Variants in PLCL1 observed in about 807,000 individuals in gnomAD.
The protein encoded by PLCL1 is phospholipase C like 1 (inactive).
In PLCL1, 41 loss-of-function variants were observed where a neutral mutation model predicts 84.4. The observed-to-expected ratio is 0.49, with a 90% CI of 0.38 to 0.63. The LOEUF (loss-of-function observed/expected upper bound fraction) is 0.63. Ranked by LOEUF, PLCL1 falls within the 30% of genes least tolerant of loss-of-function variation. PLCL1 has a pLI of 0.00. For synonymous variants in PLCL1, 490 were observed against 488.3 expected (o/e 1.00, Z -0.05); for missense variants, 1,206 against 1,367.8 (o/e 0.88, Z 1.87).
chr2:198,137,630 C>T (rs1014932732), intron 5 of PLCL1, among the ~76,000 whole-genome samples: 2 of 152,156 alleles, frequency 1.3e-5, no homozygotes, highest in African/African-American at 4.8e-5. Flanking sequence ...TACTGTGTTT[C>T]ACTGATCATA....
At chr2:197,932,641 A>G (rs191340084) in intron 1 of PLCL1, among the ~76,000 whole-genome samples, 20 of 152,252 alleles carry the variant, frequency 1.3e-4, no homozygotes, top group African/African-American at 4.8e-4. Context: ...GTTCCTGCTA[A>G]CTCACTATTT....
intron 1 of PLCL1, among the ~76,000 whole-genome samples, chr2:197,933,236 G>C (rs6434945): frequency 0.51 from 76,153 of 148,236 alleles, 20,011 homozygotes; most frequent in African/African-American, 0.63. Context: ...CCCATCTGAT[G>C]TTTGTGTTGT....
intron 1 of PLCL1, among the ~76,000 whole-genome samples, chr2:198,056,075 A>G (rs1692062942): frequency 6.6e-6 from 1 of 152,228 alleles, no homozygotes; most frequent in Non-Finnish European, 1.5e-5. Context: ...AGGGAGTTAC[A>G]CTAAGATGCC....
At position 197,940,531 on chromosome 2, in the gene PLCL1, G is replaced by T. The variant is rs551918927; in HGVS notation, c.240+135192G>T. Among the ~76,000 whole-genome samples, 3 of 152,250 alleles carry T rather than the reference G, an allele frequency of 2.0e-5. No homozygotes were observed. In the East Asian group the frequency reaches 5.8e-4, roughly 29 times the overall value. On this transcript the variant is annotated intron_variant, in intron 1 of 5. Transcript: ENST00000428675. ...GTTTTGAAGTAAAGCCACTTATCTG[G>T]CATTTTTCATTAAGGCTTGACAACA...
intron 1 of PLCL1, among the ~76,000 whole-genome samples, chr2:197,966,914 A>C (rs1189929778): frequency 6.9e-6 from 1 of 144,112 alleles, no homozygotes; most frequent in Non-Finnish European, 1.5e-5. Context: ...GCAGTGGCAC[A>C]ATCTTGGCTC....
At chr2:198,081,423 A>G (rs1189763654) in intron 1 of PLCL1, among the ~76,000 whole-genome samples, 2 of 152,214 alleles carry the variant, frequency 1.3e-5, no homozygotes, top group Non-Finnish European at 2.9e-5. Flanking sequence ...GATGGTGTGG[A>G]AAAATACACA....
intron 1 of PLCL1, among the ~76,000 whole-genome samples, chr2:198,074,563 T>TG (rs1692534441): frequency 6.6e-6 from 1 of 152,094 alleles, no homozygotes; most frequent in Non-Finnish European, 1.5e-5. Flanking sequence ...GGTGTGAACC[T>TG]GGGAGGCGGA....
intron 5 of PLCL1, among the ~76,000 whole-genome samples, chr2:198,107,268 T>C (rs13392163): frequency 0.053 from 8,089 of 151,944 alleles, 684 homozygotes; most frequent in African/African-American, 0.18. Flanking sequence ...ACCTCCCTTA[T>C]GATTTGATTA....
At chr2:197,846,924 T>C (rs1488193485) in intron 1 of PLCL1, among the ~76,000 whole-genome samples, 3 of 152,148 alleles carry the variant, frequency 2.0e-5, no homozygotes, top group East Asian at 3.8e-4. Context: ...TGCAGCTGTA[T>C]TGCTGATATG....
chr2:197,870,513 A>G (rs180828342), intron 1 of PLCL1, among the ~76,000 whole-genome samples: 301 of 152,094 alleles, frequency 2.0e-3, no homozygotes, highest in African/African-American at 7.0e-3. Context: ...AGTCTGATGC[A>G]TATTTGGGAA....
chr2:198,086,092 C>T lies in PLCL1; in HGVS notation c.2575C>T (p.Arg859Cys), dbSNP rs1278187587. ...NRSGGGKAQK[R>C]SLSVRMGKKV... ...AAGTGGAGGAGGAAAGGCACAGAAG[C>T]GCAGTCTTTCAGTGAGAATGGGGAA... The change falls in exon 2 of 6, where the codon CGC (arginine) becomes TGC (cysteine). Residue 859 changes from arginine (R) to cysteine (C), a missense_variant. Coordinates refer to ENST00000428675, the MANE Select transcript of PLCL1 (RefSeq NM_006226.4). 1.9e-5 allele frequency: 30 copies of T among 1,613,888 alleles called. No individual in the cohort carries two copies. The highest frequency in any genetic ancestry group is 2.5e-5 in the Non-Finnish European group (29 of 1,179,970).
intron 5 of PLCL1, among the ~76,000 whole-genome samples, chr2:198,108,891 T>C (rs1693552849): frequency 6.6e-6 from 1 of 151,920 alleles, no homozygotes; most frequent in African/African-American, 2.4e-5. Flanking sequence ...CCTTTCTTTC[T>C]TTTTCACTAT....
At chr2:198,009,766 G>A (rs1246637227) in intron 1 of PLCL1, among the ~76,000 whole-genome samples, 2 of 151,816 alleles carry the variant, frequency 1.3e-5, no homozygotes, top group Non-Finnish European at 2.9e-5. Flanking sequence ...AGGTTGCTTT[G>A]GGTATTATGG....
At chr2:198,012,630 T>C (rs1690896414) in intron 1 of PLCL1, among the ~76,000 whole-genome samples, 1 of 151,984 alleles carries the variant, frequency 6.6e-6, no homozygotes, top group South Asian at 2.1e-4. Context: ...TGTCCCTCAT[T>C]TCTTCTCTTG....
chr2:197,970,610 T>C (rs1290014460), intron 1 of PLCL1, among the ~76,000 whole-genome samples: 1 of 152,220 alleles, frequency 6.6e-6, no homozygotes. Context: ...TTAAATAAAA[T>C]ATAGTATTAC....
At chr2:197,983,185 T>C (rs13000637) in intron 1 of PLCL1, among the ~76,000 whole-genome samples, 3 of 145,354 alleles carry the variant, frequency 2.1e-5, no homozygotes, top group African/African-American at 7.6e-5. Context: ...TTTCTTTTTC[T>C]TTTTCTTTTC....
intron 1 of PLCL1, among the ~76,000 whole-genome samples, chr2:197,825,035 C>A (rs900090871): frequency 6.6e-6 from 1 of 151,988 alleles, no homozygotes; most frequent in African/African-American, 2.4e-5. Context: ...ACCAAGCATG[C>A]TGAAAATCAG....
At chr2:197,885,517 C>T (rs1687904713) in intron 1 of PLCL1, among the ~76,000 whole-genome samples, 1 of 152,150 alleles carries the variant, frequency 6.6e-6, no homozygotes, top group Admixed American at 6.5e-5. Context: ...TTTACCGAGT[C>T]CACTGATTCC....
intron 1 of PLCL1, among the ~76,000 whole-genome samples, chr2:197,903,467 A>AT (rs1559040542): frequency 1.9e-4 from 15 of 80,644 alleles, no homozygotes; most frequent in African/African-American, 7.6e-4. Flanking sequence ...ACTCCATTTA[A>AT]ATTTTTTTTT....
Sources: gnomAD v4.1 joint callset for allele counts (sites outside exome capture counted in the v4.1 genomes callset) on GRCh38, gnomAD v4.1.1 for gene constraint, MANE v1.5 for transcripts, NCBI Gene and HGNC (gene_info 2026-07-23, HGNC 2026-07-21) for gene names.